The following ARK2C variants were observed in gnomAD, a reference collection of about 807,000 sequenced individuals.
The protein encoded by ARK2C is arkadia (RNF111) C-terminal like ring finger ubiquitin ligase 2C.
chr18:46,375,893 A>T, the ARK2C span, among the ~76,000 whole-genome samples: 1 of 152,200 alleles, frequency 6.6e-6, no homozygotes, highest in Non-Finnish European at 1.5e-5. Flanking sequence ...GGGAAATAGC[A>T]AAACAGGTTC....
the ARK2C span, among the ~76,000 whole-genome samples, chr18:46,451,174 A>G: frequency 6.6e-6 from 1 of 152,182 alleles, no homozygotes; most frequent in Non-Finnish European, 1.5e-5. Context: ...CTTAGAAAAT[A>G]ATTCTATGTC....
At chr18:46,366,021 G>A in the ARK2C span, among the ~76,000 whole-genome samples, 16 of 151,974 alleles carry the variant, frequency 1.1e-4, no homozygotes, top group South Asian at 2.1e-4. Flanking sequence ...GGCTGGGCGC[G>A]GTGGCTCACA....
chr18:46,452,080 G>T, the ARK2C span, among the ~76,000 whole-genome samples: 76 of 152,270 alleles, frequency 5.0e-4, no homozygotes, highest in African/African-American at 1.8e-3. Context: ...GTGGATACAT[G>T]ACATTATGCA....
the ARK2C span, among the ~76,000 whole-genome samples, chr18:46,442,687 C>A: frequency 6.6e-6 from 1 of 151,994 alleles, no homozygotes; most frequent in East Asian, 1.9e-4. Context: ...CAGTATTGTT[C>A]AGGTCTTTTA....
At chr18:46,382,954 T>C in the ARK2C span, among the ~76,000 whole-genome samples, 129,329 of 152,274 alleles carry the variant, frequency 0.85, 55,734 homozygotes, top group Non-Finnish European at 0.89. Context: ...GACAACGTCA[T>C]ACTCTTCTTG....
chr18:46,342,941 A>G, the ARK2C span, among the ~76,000 whole-genome samples: 1 of 152,168 alleles, frequency 6.6e-6, no homozygotes, highest in Non-Finnish European at 1.5e-5. Context: ...TATACTTTTT[A>G]CATTCTCTAT....
chr18:46,346,220 G>A, the ARK2C span, among the ~76,000 whole-genome samples: 1 of 152,194 alleles, frequency 6.6e-6, no homozygotes. Flanking sequence ...AGGAGACGGA[G>A]AGAACCCCAC....
At chr18:46,420,963 C>G in the ARK2C span, among the ~76,000 whole-genome samples, 32,469 of 152,082 alleles carry the variant, frequency 0.21, 3,967 homozygotes, top group East Asian at 0.38. Context: ...TGACCTAAGA[C>G]GAACTCTACA....
chr18:46,455,896 C>A, the ARK2C span: 1 of 791,856 alleles, frequency 1.3e-6, no homozygotes, highest in Non-Finnish European at 2.1e-6. Flanking sequence ...AGGGGAAGAG[C>A]AGGCTGTGGG....
At chr18:46,409,458 A>C in the ARK2C span, among the ~76,000 whole-genome samples, 3 of 152,216 alleles carry the variant, frequency 2.0e-5, no homozygotes, top group Admixed American at 6.5e-5. Context: ...GCAGGAGGAA[A>C]TGAAGTGAAG....
chr18:46,349,528 T>C, the ARK2C span, among the ~76,000 whole-genome samples: 2 of 152,222 alleles, frequency 1.3e-5, no homozygotes, highest in African/African-American at 2.4e-5. Context: ...TCATAGCACC[T>C]ACTCTAGAGA....
At chr18:46,430,331 G>C in the ARK2C span, among the ~76,000 whole-genome samples, 1 of 152,122 alleles carries the variant, frequency 6.6e-6, no homozygotes, top group African/African-American at 2.4e-5. Context: ...ATCTCAAGCT[G>C]TTCTGATTTC....
the ARK2C span, among the ~76,000 whole-genome samples, chr18:46,442,268 C>G: frequency 6.6e-6 from 1 of 151,922 alleles, no homozygotes; most frequent in African/African-American, 2.4e-5. Context: ...TATTTCCTCC[C>G]TTCTACTTAT....
the ARK2C span, among the ~76,000 whole-genome samples, chr18:46,434,339 TA>T: frequency 2.0e-5 from 3 of 152,220 alleles, no homozygotes; most frequent in African/African-American, 7.2e-5. Context: ...TTAATTCTCT[TA>T]AAAATAACAA....
At chr18:46,401,964 G>C in the ARK2C span, among the ~76,000 whole-genome samples, 3 of 152,184 alleles carry the variant, frequency 2.0e-5, no homozygotes, top group Non-Finnish European at 4.4e-5. Context: ...CTACAAATCT[G>C]ATGTGAATTC....
At chr18:46,408,595 G>A in the ARK2C span, among the ~76,000 whole-genome samples, 46 of 152,352 alleles carry the variant, frequency 3.0e-4, no homozygotes, top group African/African-American at 1.1e-3. Flanking sequence ...CATGGGAACT[G>A]TGGGGCATCC....
chr18:46,382,989 C>G, the ARK2C span, among the ~76,000 whole-genome samples: 235 of 152,360 alleles, frequency 1.5e-3, 2 homozygotes, highest in Middle Eastern at 0.027. Context: ...TCACTCCCCC[C>G]ACCCCCTGGG....
the ARK2C span, among the ~76,000 whole-genome samples, chr18:46,380,712 C>T: frequency 5.1e-4 from 77 of 152,270 alleles, no homozygotes; most frequent in Non-Finnish European, 7.5e-4. Context: ...TCTGGAGCCT[C>T]GAACCCAGCC....
chr18:46,427,636 A>G, the ARK2C span, among the ~76,000 whole-genome samples: 50 of 152,158 alleles, frequency 3.3e-4, no homozygotes, highest in Non-Finnish European at 6.5e-4. Flanking sequence ...AACCAGCCTC[A>G]AACCCGCAGC....
Sources: gnomAD v4.1 joint callset for allele counts (sites outside exome capture counted in the v4.1 genomes callset) on GRCh38, gnomAD v4.1.1 for gene constraint, MANE v1.5 for transcripts, NCBI Gene and HGNC (gene_info 2026-07-23, HGNC 2026-07-21) for gene names.